Variants in CDH18 observed in about 807,000 individuals in gnomAD.
CDH18 encodes cadherin 18.
In CDH18, 31 loss-of-function variants were observed where a neutral mutation model predicts 67.9. The ratio of observed to expected loss-of-function variants is 0.46; its 90% CI spans 0.34 to 0.62. The LOEUF is 0.62. Ranked by LOEUF, CDH18 falls within the 20% of genes least tolerant of loss-of-function variation. The pLI is 0.01. For missense variants in CDH18, 890 were observed against 975.5 expected (o/e 0.91, Z 1.17); for synonymous variants, 362 against 347.2 (o/e 1.04, Z -0.48).
chr5:19,705,273 C>A (rs1336183087), intron 5 of CDH18, among the ~76,000 whole-genome samples: 2 of 152,174 alleles, frequency 1.3e-5, no homozygotes, highest in African/African-American at 4.8e-5. Context: ...CAGACTACTA[C>A]TCCTTACTCC....
chr5:20,132,187 C>T (rs897673024), intron 2 of CDH18, among the ~76,000 whole-genome samples: 1 of 152,124 alleles, frequency 6.6e-6, no homozygotes, highest in Admixed American at 6.5e-5. Flanking sequence ...CCACACCTGG[C>T]CAACAATAAA....
At chr5:20,249,718 A>T (rs1743682853) in intron 2 of CDH18, among the ~76,000 whole-genome samples, 1 of 152,216 alleles carries the variant, frequency 6.6e-6, no homozygotes, top group Non-Finnish European at 1.5e-5. Context: ...TTCGCTAAAA[A>T]AATTAACAAG....
At position 19,568,676 on chromosome 5, in the gene CDH18, T is replaced by C. The variant is rs1477742425; in HGVS notation, c.1253+2903A>G. Among the ~76,000 whole-genome samples the C allele has an allele frequency of 2.6e-5, 4 of 152,244 alleles. No homozygotes were observed. In the Middle Eastern group the frequency reaches 0.014, roughly 518 times the overall value. On this transcript the variant is annotated intron_variant, in intron 8 of 12. Coordinates refer to ENST00000382275, the MANE Select transcript of CDH18 (RefSeq NM_004934.5). Reference sequence around the variant, plus strand: ...TTCTGCTCTTCACTATGTGAAAATATAGGGAGAAGAGGGCTCTCTGCAAAC... The same window carrying C: ...TTCTGCTCTTCACTATGTGAAAATACAGGGAGAAGAGGGCTCTCTGCAAAC...
intron 2 of CDH18, among the ~76,000 whole-genome samples, chr5:20,196,211 T>C (rs1242456709): frequency 1.3e-5 from 2 of 152,202 alleles, no homozygotes; most frequent in East Asian, 3.9e-4. Context: ...AGTATTTTGA[T>C]AGATCCCAGA....
At chr5:20,139,141 G>A (rs1201963408) in intron 2 of CDH18, among the ~76,000 whole-genome samples, 1 of 152,022 alleles carries the variant, frequency 6.6e-6, no homozygotes, top group Admixed American at 6.6e-5. Flanking sequence ...GAACAGAACA[G>A]AGCCCTCAGA....
At chr5:19,909,030 C>T (rs1790834264) in intron 2 of CDH18, among the ~76,000 whole-genome samples, 1 of 152,108 alleles carries the variant, frequency 6.6e-6, no homozygotes, top group African/African-American at 2.4e-5. Context: ...TGACTGGGAG[C>T]ACATCTCCTA....
intron 1 of CDH18, among the ~76,000 whole-genome samples, chr5:20,448,571 A>T (rs939707526): frequency 6.6e-6 from 1 of 152,164 alleles, no homozygotes; most frequent in African/African-American, 2.4e-5. Context: ...AGTAAAAGTG[A>T]TATTGCTGTT....
chr5:20,541,248 A>C (rs1447590331), intron 1 of CDH18, among the ~76,000 whole-genome samples: 1 of 152,152 alleles, frequency 6.6e-6, no homozygotes, highest in Non-Finnish European at 1.5e-5. Flanking sequence ...TCTTCCTCTT[A>C]AAAATGTCTC....
intron 10 of CDH18, among the ~76,000 whole-genome samples, chr5:19,508,860 CT>C (rs1744660059): frequency 7.9e-6 from 1 of 127,350 alleles, no homozygotes; most frequent in African/African-American, 3.2e-5. Context: ...TTCTTTCTTT[CT>C]TTTCTTTTTT....
chr5:19,531,223 A>T (rs1748569646), intron 9 of CDH18, among the ~76,000 whole-genome samples: 1 of 152,244 alleles, frequency 6.6e-6, no homozygotes, highest in Admixed American at 6.5e-5. Flanking sequence ...TGAACATCTG[A>T]TTAACTCATA....
At chr5:20,071,628 G>C (rs934495123) in intron 2 of CDH18, among the ~76,000 whole-genome samples, 1 of 151,896 alleles carries the variant, frequency 6.6e-6, no homozygotes, top group Non-Finnish European at 1.5e-5. Flanking sequence ...TTAATATTAA[G>C]TTAAAAATTT....
intron 2 of CDH18, among the ~76,000 whole-genome samples, chr5:20,172,240 GTA>G (rs1220031750): frequency 2.8e-4 from 18 of 64,118 alleles, no homozygotes; most frequent in African/African-American, 5.0e-4. Context: ...ATATATATAT[GTA>G]TATATATATA....
At chr5:19,922,476 T>C (rs1449423268) in intron 2 of CDH18, among the ~76,000 whole-genome samples, 3 of 152,204 alleles carry the variant, frequency 2.0e-5, no homozygotes, top group African/African-American at 7.2e-5. Context: ...CATATAAGCA[T>C]CAAATGCTAT....
At chr5:19,593,491 C>T (rs74628556) in intron 6 of CDH18, among the ~76,000 whole-genome samples, 1,761 of 152,032 alleles carry the variant, frequency 0.012, 30 homozygotes, top group African/African-American at 0.041. Context: ...TATTCAGGTC[C>T]TAGGCCCATT....
chr5:19,785,833 A>C (rs1775723650), intron 3 of CDH18, among the ~76,000 whole-genome samples: 2 of 149,774 alleles, frequency 1.3e-5, no homozygotes, highest in South Asian at 4.2e-4. Flanking sequence ...AAAAACACTT[A>C]TCTTAGGCTG....
At chr5:19,812,279 A>G (rs540840065) in intron 3 of CDH18, among the ~76,000 whole-genome samples, 1 of 152,292 alleles carries the variant, frequency 6.6e-6, no homozygotes, top group African/African-American at 2.4e-5. Flanking sequence ...AGAAGCAAAC[A>G]AAGTGTTAAA....
intron 2 of CDH18, among the ~76,000 whole-genome samples, chr5:20,241,176 A>G (rs1487118444): frequency 6.6e-6 from 1 of 152,176 alleles, no homozygotes; most frequent in Admixed American, 6.5e-5. Flanking sequence ...TGTGTCAAGT[A>G]TTACGTTATT....
At chr5:20,466,920 G>T (rs1489157687) in intron 1 of CDH18, among the ~76,000 whole-genome samples, 1 of 152,038 alleles carries the variant, frequency 6.6e-6, no homozygotes, top group East Asian at 1.9e-4. Context: ...CTCATAAAAT[G>T]ATCAGTAAAT....
intron 1 of CDH18, among the ~76,000 whole-genome samples, chr5:20,388,195 C>G (rs1744484268): frequency 6.6e-6 from 1 of 152,110 alleles, no homozygotes; most frequent in Non-Finnish European, 1.5e-5. Context: ...TCCATCTGGT[C>G]CTAGACTTTT....
Sources: gnomAD v4.1 joint callset for allele counts (sites outside exome capture counted in the v4.1 genomes callset) on GRCh38, gnomAD v4.1.1 for gene constraint, MANE v1.5 for transcripts, NCBI Gene and HGNC (gene_info 2026-07-23, HGNC 2026-07-21) for gene names.